The following MUC3A variants were observed in gnomAD, a reference collection of about 807,000 sequenced individuals.
MUC3A encodes the protein mucin 3A, cell surface associated.
A neutral mutation model predicts 109.0 loss-of-function variants in MUC3A; 109 were observed. That is an observed-to-expected ratio of 1.00 (90% CI 0.86 to 1.17). The LOEUF is 1.17. Ranked by LOEUF, MUC3A falls within the 50% of genes most tolerant of loss-of-function variation. The probability of loss-of-function intolerance (pLI) is 0.00; values close to 1 mark genes in which losing one functional copy is unlikely to be tolerated. For synonymous variants in MUC3A, 1,398 were observed against 981.4 expected (o/e 1.42, Z -7.93); for missense variants, 3,537 against 2,469.4 (o/e 1.43, Z -9.16).
At position 100,966,947 on chromosome 7, in the gene MUC3A, T is replaced by G. The variant is rs759253337; in HGVS notation, c.9926T>G (p.Met3309Arg). The change falls in exon 11 of 12, where the codon ATG becomes AGG. Residue 3309 changes from methionine (M) to arginine (R), a missense_variant. Physicochemically the swap from Met to Arg is moderately conservative, Grantham distance 91. Transcript: ENST00000379458. The part of the protein sequence containing the change: ...YVALENVDTT[M>R]KVHIKRPEMT... ...GCCTTGGAGAACGTGGACACCACTATGAAGGTGAGGGGCTAAAGAGGGGGA... is the reference window on the plus strand; with the variant it reads ...GCCTTGGAGAACGTGGACACCACTAGGAAGGTGAGGGGCTAAAGAGGGGGA... 2 of 1,598,544 alleles carry G rather than the reference T, an allele frequency of 1.3e-6. No individual in the cohort carries two copies. The highest frequency in any genetic ancestry group is 1.3e-5 in the African/African-American group (1 of 75,086).
chr7:100,967,272 T>A lies in MUC3A; in HGVS notation c.*110T>A, dbSNP rs994281132. ...GGACGCGGGCAGCCCAGGCTCCTGC[T>A]GTTCTTGGGCAAGATGAGACTGTTC... On this transcript the variant is annotated 3_prime_UTR_variant, in exon 12 of 12. Transcript: ENST00000379458. 6.0e-5 allele frequency: 91 copies of A among 1,513,878 alleles called. No individual in the cohort carries two copies. Among genetic ancestry groups the A allele is most frequent in the Non-Finnish European group, 7.2e-5 (81 of 1,121,358 alleles). 93.8% of individuals were successfully genotyped at this position (1,513,878 alleles called of 1,614,324 possible). A position where few individuals can be genotyped will look rare whatever the true frequency, so the allele number is the denominator to read the frequency against.
intron 3 of MUC3A, among the ~76,000 whole-genome samples, chr7:100,961,239 G>A (rs913175379): frequency 9.8e-5 from 15 of 152,304 alleles, no homozygotes; most frequent in African/African-American, 2.9e-4. Flanking sequence ...GGAACAACAC[G>A]ACATTATCAT....
chr7:100,959,635 C>A lies in MUC3A; in HGVS notation c.7856C>A (p.Ala2619Asp), dbSNP rs768861842. The change falls in exon 2 of 12, where the codon GCC becomes GAC. Residue 2619 changes from alanine (A) to aspartate (D), a missense_variant. By Grantham distance (126) the Ala-to-Asp change is moderately radical (BLOSUM62 -2). Coordinates refer to ENST00000379458, the MANE Select transcript of MUC3A (RefSeq NM_005960.2). Reference sequence around the variant, plus strand: ...CTTCATACTCTTACTCCATCAACAGCCTTGAGCACGATCGTGTCAACATCA... The same window carrying A: ...CTTCATACTCTTACTCCATCAACAGACTTGAGCACGATCGTGTCAACATCA... ...STLHTLTPST[A>D]LSTIVSTSQV... The A allele has an allele frequency of 6.3e-7, 1 of 1,598,300 alleles. No homozygotes were observed. The highest frequency in any genetic ancestry group is 2.2e-5 in the East Asian group (1 of 44,892).
chr7:100,964,830 C>T lies in MUC3A; in HGVS notation c.9369C>T (p.Cys3123=). 6.3e-7 allele frequency: 1 copy of T among 1,597,760 alleles called. No homozygotes were observed. The highest frequency in any genetic ancestry group is 8.5e-7 in the Non-Finnish European group (1 of 1,179,242). ...ACGCCAGCCAGGATGTGAACAGCTG[C>T]CAGGACTCCCAGAGTGAGCCCAGGC... ...LQNASQDVNS[C]QDSQTLCFKP... The change falls in exon 6 of 12, where the codon TGC becomes TGT. Residue 3123 remains cysteine, a synonymous_variant. Coordinates refer to ENST00000379458, the MANE Select transcript of MUC3A (RefSeq NM_005960.2).
In MUC3A at chr7:100,965,688, C is replaced by A; in HGVS notation, c.9449-16C>A. The A allele has an allele frequency of 6.3e-7, 1 of 1,593,730 alleles. No homozygotes were observed. Among genetic ancestry groups the A allele is most frequent in the Non-Finnish European group, 8.5e-7 (1 of 1,176,992 alleles). ...TGAGGTCCTTGTCTCTGTGCATCCC[C>A]CTCCCCAACCCCCAGCCATCTGCCG... On this transcript the variant is annotated splice_polypyrimidine_tract_variant and intron_variant, in intron 7 of 11. Coordinates refer to ENST00000379458, the MANE Select transcript of MUC3A (RefSeq NM_005960.2).
At chr7:100,962,797 T>TCTC (rs1554239150) in intron 3 of MUC3A, among the ~76,000 whole-genome samples, 216 of 143,426 alleles carry the variant, frequency 1.5e-3, no homozygotes, top group Admixed American at 3.6e-3. Context: ...CTTTCTTTCT[T>TCTC]TCTCTCTCTC....
At position 100,952,327 on chromosome 7, in the gene MUC3A, C is replaced by A. The variant is rs73714231; in HGVS notation, c.548C>A (p.Thr183Lys). The A allele has an allele frequency of 1.3e-6, 2 of 1,588,230 alleles. No homozygotes were observed. The highest frequency in any genetic ancestry group is 1.4e-5 in the African/African-American group (1 of 72,202). The change falls in exon 2 of 12, where the codon ACG becomes AAG. Residue 183 changes from threonine (T) to lysine (K), a missense_variant. By Grantham distance (78) the Thr-to-Lys change is moderately conservative. Transcript: ENST00000379458. ...TYSMTTTEKG[T>K]SAMTSSPSTT... ...TCTATGACCACTACTGAGAAAGGAA[C>A]GTCAGCCATGACATCTTCTCCCTCT...
chr7:100,958,799 C>G lies in MUC3A; in HGVS notation c.7020C>G (p.Ser2340Arg), dbSNP rs777565438. The G allele has an allele frequency of 1.5e-6, 2 of 1,354,760 alleles. No individual in the cohort carries two copies. Among genetic ancestry groups the G allele is most frequent in the South Asian group, 2.5e-5 (2 of 80,020 alleles). 83.9% of individuals were successfully genotyped at this position (1,354,760 alleles called of 1,614,324 possible). The change falls in exon 2 of 12, where the codon AGC (serine) becomes AGG (arginine). Residue 2340 changes from serine (S) to arginine (R), a missense_variant. Physicochemically the swap from Ser to Arg is moderately radical, Grantham distance 110 (BLOSUM62 -1). Coordinates refer to ENST00000379458, the MANE Select transcript of MUC3A (RefSeq NM_005960.2). Reference sequence around the variant, plus strand: ...AGACCACCTCACACAATACTCGCAGCTTCACTTCTTCGATCACCACCACCG... The same window carrying G: ...AGACCACCTCACACAATACTCGCAGGTTCACTTCTTCGATCACCACCACCG... ...TTETTSHNTR[S>R]FTSSITTTET...
In MUC3A at chr7:100,955,683, G is replaced by C; in HGVS notation, c.3904G>C (p.Glu1302Gln). Reference protein sequence around the residue: ...SASSAGTTHTETISSLPASTN... With the variant: ...SASSAGTTHTQTISSLPASTN... Reference sequence around the variant, plus strand: ...CAGCAGTGCAGGGACCACTCACACAGAGACTATTTCCTCACTTCCAGCCAG... The same window carrying C: ...CAGCAGTGCAGGGACCACTCACACACAGACTATTTCCTCACTTCCAGCCAG... Residue 1302 changes from glutamate (E) to glutamine (Q), a missense_variant, in exon 2 of 12, where the codon GAG (glutamate) becomes CAG (glutamine). Glu to Gln is a conservative substitution (Grantham distance 29). Coordinates refer to ENST00000379458, the MANE Select transcript of MUC3A (RefSeq NM_005960.2). The C allele has an allele frequency of 4.6e-6, 2 of 430,314 alleles. No homozygotes were observed. Among genetic ancestry groups the C allele is most frequent in the Admixed American group, 8.3e-5 (2 of 24,088 alleles). The allele number at this position is 430,314 out of a possible 1,614,324, so 26.7% of individuals were successfully genotyped here.
intron 3 of MUC3A, 164 bp downstream of exon 3, chr7:100,961,101 T>C (rs755279708): frequency 0.15 from 133,495 of 875,636 alleles, no homozygotes; most frequent in Non-Finnish European, 0.16. Flanking sequence ...GTCATGCTCC[T>C]CTCCGTCCTC....
At chr7:100,965,620 G>A in intron 7 of MUC3A, 84 bp from the exon 8 acceptor site, 2 of 1,536,004 alleles carry the variant, frequency 1.3e-6, no homozygotes, top group Non-Finnish European at 1.7e-6. Context: ...TCCTCCTCGC[G>A]CATATTCAGA....
At position 100,966,432 on chromosome 7, in the gene MUC3A, G is replaced by A. The variant is rs756970475; in HGVS notation, c.9658G>A (p.Val3220Met). The A allele has an allele frequency of 1.3e-5, 18 of 1,349,100 alleles. No individual in the cohort carries two copies. The South Asian group carries it at 2.0e-4, about 15-fold the overall frequency. The allele number at this position is 1,349,100 out of a possible 1,614,324, so 83.6% of individuals were successfully genotyped here. Residue 3220 changes from valine to methionine, a missense_variant, in exon 9 of 12, where the codon GTG (valine) becomes ATG (methionine). Transcript: ENST00000379458. ...THWFSGPRCE[V>M]AVHWRALVGG... is the part of the protein sequence containing the mutation. ...CTGGTTCTCTGGCCCGCGCTGCGAGGTGGCCGTCCACTGGAGGGCGCTGGT... is the reference window on the plus strand; with the variant it reads ...CTGGTTCTCTGGCCCGCGCTGCGAGATGGCCGTCCACTGGAGGGCGCTGGT...
At position 100,960,831 on chromosome 7, in the gene MUC3A, C is replaced by A; in HGVS notation, c.8946C>A (p.Leu2982=). The A allele has an allele frequency of 6.3e-6, 10 of 1,598,534 alleles. No individual in the cohort carries two copies. Among genetic ancestry groups the A allele is most frequent in the Non-Finnish European group, 8.5e-6 (10 of 1,179,812 alleles). The change falls in exon 3 of 12, where the codon CTC becomes CTA. Residue 2982 remains leucine, a synonymous_variant. Coordinates refer to ENST00000379458, the MANE Select transcript of MUC3A (RefSeq NM_005960.2). ...GGTTTTCTGGGGACCGCTGTCAGCT[C>A]CAGACCAGATGCCAGAATGGGGGTC... The part of the protein sequence containing the change: ...LPGFSGDRCQ[L]QTRCQNGGQW...
chr7:100,952,442 T>G lies in MUC3A; in HGVS notation c.663T>G (p.Ser221=), dbSNP rs748757741. 12 of 1,598,466 alleles carry G rather than the reference T, an allele frequency of 7.5e-6. No homozygotes were observed. The highest frequency in any genetic ancestry group is 1.7e-5 in the Admixed American group (1 of 60,004). ...TDTTFHTTIS[S]TTRTTERTPL... ...CAACCTTCCACACTACAATCTCGTC[T>G]ACAACTAGAACCACAGAAAGGACTC... The change falls in exon 2 of 12, where the codon TCT becomes TCG. Residue 221 remains serine, a synonymous_variant. Transcript: ENST00000379458.
intron 1 of MUC3A, among the ~76,000 whole-genome samples, chr7:100,950,749 T>C: frequency 6.6e-6 from 1 of 152,308 alleles, no homozygotes; most frequent in Non-Finnish European, 1.5e-5. Context: ...CTGGGGTTCA[T>C]GCTTGTAAAC....
At position 100,966,641 on chromosome 7, in the gene MUC3A, G is replaced by GC. The variant is rs769713693; in HGVS notation, c.9786-7dup. The GC allele has an allele frequency of 3.1e-6, 5 of 1,598,498 alleles. No individual in the cohort carries two copies. In the South Asian group the frequency reaches 3.3e-5, roughly 11 times the overall value. On this transcript the variant is annotated splice_polypyrimidine_tract_variant and intron_variant, in intron 9 of 11. Transcript: ENST00000379458. ...GCCGGCTCTGTCTGACCGCGCGGCG[G>GC]CCCCACCTAGGTCCTGGGACCAGGA...
At chr7:100,964,411 AATG>A (rs1218502565) in intron 5 of MUC3A, 1 of 445,230 alleles carries the variant, frequency 2.2e-6, no homozygotes, top group Non-Finnish European at 3.9e-6. Context: ...AGTGAGCTAC[AATG>A]ATACCACTGC....
At chr7:100,950,188 T>C (rs1791895277) in intron 1 of MUC3A, among the ~76,000 whole-genome samples, 1 of 152,268 alleles carries the variant, frequency 6.6e-6, no homozygotes, top group Admixed American at 6.5e-5. Flanking sequence ...CGGCGGCTCC[T>C]CCCCAGCTCT....
At position 100,968,204 on chromosome 7, in the gene MUC3A, T is replaced by C. The variant is rs879260915; in HGVS notation, c.*1042T>C. 126,733 of 152,794 alleles carry C rather than the reference T, an allele frequency of 0.83. 50,338 individuals carry two copies. The highest frequency in any genetic ancestry group is 1 in the East Asian group (5,206 of 5,212). 9.5% of individuals were successfully genotyped at this position (152,794 alleles called of 1,614,324 possible). A position where few individuals can be genotyped will look rare whatever the true frequency, so the allele number is the denominator to read the frequency against. On this transcript the variant is annotated 3_prime_UTR_variant, in exon 12 of 12. Coordinates refer to ENST00000379458, the MANE Select transcript of MUC3A (RefSeq NM_005960.2). The stretch of plus-strand genomic sequence containing the variant: ...CCGATTCCCCTCCTCCCCCTTCTCT[T>C]CCTGGTGTCACCTGGATTCCTGCAG...
Sources: allele counts gnomAD v4.1 joint callset (sites outside exome capture counted in the v4.1 genomes callset), GRCh38; gene constraint gnomAD v4.1.1; transcripts MANE v1.5; gene names NCBI Gene and HGNC (gene_info 2026-07-23, HGNC 2026-07-21).